Variants in RBM33 observed in about 807,000 individuals in gnomAD.
RBM33 encodes the protein RNA-binding protein 33.
A neutral mutation model predicts 132.6 loss-of-function variants in RBM33; 28 were observed. The observed-to-expected ratio is 0.21, with a 90% CI of 0.16 to 0.29. The LOEUF is 0.29. RBM33 is among the 10% of genes least tolerant of loss of function. The pLI, the probability that RBM33 is intolerant of heterozygous loss-of-function variation, is 1.00. For missense variants in RBM33, 1,291 were observed against 1,518.5 expected (o/e 0.85, Z 2.49); for synonymous variants, 634 against 593.0 (o/e 1.07, Z -1.01).
At chr7:155,665,366 C>G in intron 2 of RBM33, 113 bp downstream of exon 2, 1 of 881,284 alleles carries the variant, frequency 1.1e-6, no homozygotes, top group Non-Finnish European at 1.9e-6. Context: ...GGCGCTCTCT[C>G]TTGAGTGGGG....
intron 7 of RBM33, 42 bp downstream of exon 7, chr7:155,707,110 C>A: frequency 6.9e-7 from 1 of 1,453,040 alleles, no homozygotes; most frequent in South Asian, 1.3e-5. Flanking sequence ...AACTTCAGAA[C>A]AAATGGCAGT....
intron 2 of RBM33, 142 bp downstream of exon 2, chr7:155,665,395 A>C (rs1410923208): frequency 1.0e-5 from 7 of 686,486 alleles, no homozygotes; most frequent in Non-Finnish European, 1.8e-5. Context: ...CCTGAGCTAA[A>C]GTGAAGCTTC....
Position 155,775,819 on chromosome 7 carries a change from A to G in RBM33, c.*778A>G, listed in dbSNP as rs2117090781. 1 of 152,578 alleles carries G rather than the reference A, an allele frequency of 6.6e-6. No homozygotes were observed. The highest frequency in any genetic ancestry group is 3.4e-3 in the Middle Eastern group (1 of 294). 9.5% of individuals were successfully genotyped at this position (152,578 alleles called of 1,614,324 possible). ...GCAGCCCTCTGGCCTAGTTCCCACCACACATGAGGTGGTGGAATGGCCTGA... is the reference window on the plus strand; with the variant it reads ...GCAGCCCTCTGGCCTAGTTCCCACCGCACATGAGGTGGTGGAATGGCCTGA... On this transcript the variant is annotated 3_prime_UTR_variant, in exon 18 of 18. Coordinates refer to ENST00000401878, the MANE Select transcript of RBM33 (RefSeq NM_053043.3).
intron 9 of RBM33, among the ~76,000 whole-genome samples, chr7:155,731,190 C>G (rs1161317466): frequency 3.3e-5 from 5 of 152,086 alleles, no homozygotes; most frequent in African/African-American, 1.2e-4. Flanking sequence ...TGAGAAAAAT[C>G]TTTTTGAGGA....
intron 9 of RBM33, among the ~76,000 whole-genome samples, chr7:155,730,656 C>G (rs1413302138): frequency 6.6e-6 from 1 of 152,152 alleles, no homozygotes; most frequent in East Asian, 1.9e-4. Context: ...AGCCTGAGCA[C>G]CTACAGGATC....
chr7:155,692,208 TAAAAG>T (rs964884459), intron 5 of RBM33, among the ~76,000 whole-genome samples: 4 of 152,012 alleles, frequency 2.6e-5, no homozygotes, highest in East Asian at 1.9e-4. Flanking sequence ...CAGTAAAAAT[TAAAAG>T]AAAATGGAGA....
At chr7:155,762,092 CTGCATGGCCCCCCA>C (rs1230337839) in intron 14 of RBM33, among the ~76,000 whole-genome samples, 8 of 152,258 alleles carry the variant, frequency 5.3e-5, no homozygotes, top group Non-Finnish European at 1.0e-4. Context: ...TCTCTGGACC[CTGCATGGCCCCCCA>C]TGGCCAGTTA....
At position 155,731,103 on chromosome 7, in the gene RBM33, G is replaced by A. The variant is rs146093948; in HGVS notation, c.1261-6427G>A. 4.0e-3 allele frequency among the ~76,000 whole-genome samples: 614 copies of A among 152,268 alleles called. 2 individuals carry two copies. Among genetic ancestry groups the A allele is most frequent in the Non-Finnish European group, 5.2e-3 (355 of 68,008 alleles). On this transcript the variant is annotated intron_variant, in intron 9 of 17. Coordinates refer to ENST00000401878, the MANE Select transcript of RBM33 (RefSeq NM_053043.3). ...ACAACCTGTGGCAAAGTAAAAAATC[G>A]AACCTTGGTTGACTCTCCGCTCAGA...
At chr7:155,658,379 GT>G (rs1347078473) in intron 1 of RBM33, among the ~76,000 whole-genome samples, 1 of 147,538 alleles carries the variant, frequency 6.8e-6, no homozygotes, top group African/African-American at 2.5e-5. Flanking sequence ...GCAGCATATA[GT>G]TGGATTTTTT....
At chr7:155,746,919 G>A (rs1801535737) in intron 14 of RBM33, among the ~76,000 whole-genome samples, 1 of 152,218 alleles carries the variant, frequency 6.6e-6, no homozygotes. Context: ...TTTCAGGATG[G>A]TAGGACATGT....
At chr7:155,655,765 G>C (rs992481077) in intron 1 of RBM33, among the ~76,000 whole-genome samples, 2 of 152,098 alleles carry the variant, frequency 1.3e-5, no homozygotes, top group African/African-American at 4.8e-5. Context: ...TTCAGGAAAA[G>C]TACCTGTCCA....
At chr7:155,650,527 A>C (rs1406278441) in intron 1 of RBM33, among the ~76,000 whole-genome samples, 1 of 151,122 alleles carries the variant, frequency 6.6e-6, no homozygotes, top group East Asian at 1.9e-4. Context: ...ATCTCTGATC[A>C]TAAGGGAGAC....
intron 1 of RBM33, among the ~76,000 whole-genome samples, chr7:155,648,176 C>G (rs1413780476): frequency 6.6e-6 from 1 of 152,200 alleles, no homozygotes; most frequent in Admixed American, 6.5e-5. Context: ...CATCACCTAG[C>G]ATCAACATTC....
At chr7:155,712,148 T>A (rs1800323218) in intron 8 of RBM33, among the ~76,000 whole-genome samples, 2 of 152,230 alleles carry the variant, frequency 1.3e-5, no homozygotes, top group Admixed American at 1.3e-4. Context: ...GTGAGGATGT[T>A]TGCAGTGGTG....
chr7:155,744,917 C>T lies in RBM33; in HGVS notation c.2338-44C>T, dbSNP rs924439315. 7.3e-6 allele frequency: 11 copies of T among 1,501,482 alleles called. No individual in the cohort carries two copies. The African/African-American group carries it at 1.4e-4, about 19-fold the overall frequency. 93.0% of individuals were successfully genotyped at this position (1,501,482 alleles called of 1,614,324 possible). ...ATTTGTTGAAATAGACTATGGGCACCTTGCCTGTATAGCAAAGTAAACCGT... is the reference window on the plus strand; with the variant it reads ...ATTTGTTGAAATAGACTATGGGCACTTTGCCTGTATAGCAAAGTAAACCGT... On this transcript the variant is annotated intron_variant, in intron 13 of 17. Coordinates refer to ENST00000401878, the MANE Select transcript of RBM33 (RefSeq NM_053043.3).
At chr7:155,756,962 T>C (rs779569840) in intron 14 of RBM33, among the ~76,000 whole-genome samples, 3 of 152,188 alleles carry the variant, frequency 2.0e-5, no homozygotes, top group Non-Finnish European at 2.9e-5. Flanking sequence ...ACCACCAAGC[T>C]GTATTAGATG....
rs552355054 is a variant in RBM33 at position 155,645,099 on chromosome 7, C to T, written c.43+180C>T. On this transcript the variant is annotated intron_variant, in intron 1 of 17. Transcript: ENST00000401878. ...CGCTATTGTCATTCTCCCTTTCTCG[C>T]TCCTCCTCTCCGCTGTGCAGATCGT... 14 of 515,778 alleles carry T rather than the reference C, an allele frequency of 2.7e-5. No homozygotes were observed. In the South Asian group the frequency reaches 3.0e-4, roughly 11 times the overall value. The allele number at this position is 515,778 out of a possible 1,614,324, so 32.0% of individuals were successfully genotyped here.
At chr7:155,730,145 TG>T (rs1440265902) in intron 9 of RBM33, among the ~76,000 whole-genome samples, 1 of 152,212 alleles carries the variant, frequency 6.6e-6, no homozygotes, top group African/African-American at 2.4e-5. Context: ...CACATTGATG[TG>T]TAAGACAGGC....
intron 9 of RBM33, among the ~76,000 whole-genome samples, chr7:155,736,105 A>T (rs1018446560): frequency 1.3e-5 from 2 of 152,214 alleles, no homozygotes; most frequent in Non-Finnish European, 2.9e-5. Flanking sequence ...AACAATCTTA[A>T]GGGTTTGTGG....
Sources: gnomAD v4.1 joint callset for allele counts (sites outside exome capture counted in the v4.1 genomes callset) on GRCh38, gnomAD v4.1.1 for gene constraint, MANE v1.5 for transcripts, NCBI Gene and HGNC (gene_info 2026-07-23, HGNC 2026-07-21) for gene names.